The following IGSF10 variants were observed in gnomAD, a reference collection of about 807,000 sequenced individuals.
The protein encoded by IGSF10 is immunoglobulin superfamily member 10, also known as calvaria mechanical force protein 608.
A neutral mutation model predicts 128.2 loss-of-function variants in IGSF10; 126 were observed. The observed-to-expected ratio is 0.98, with a 90% CI of 0.85 to 1.14. The LOEUF is 1.14. Among genes scored for constraint, IGSF10 ranks in the 50% most tolerant of loss-of-function variants. The probability of loss-of-function intolerance (pLI) is 0.00; values close to 1 mark genes in which losing one functional copy is unlikely to be tolerated. For synonymous variants in IGSF10, 1,185 were observed against 1,146.2 expected (o/e 1.03, Z -0.68); for missense variants, 3,295 against 3,149.8 (o/e 1.05, Z -1.10).
chr3:151,556,806 A>T, the IGSF10 span, among the ~76,000 whole-genome samples: 3 of 152,136 alleles, frequency 2.0e-5, no homozygotes, highest in African/African-American at 7.2e-5. Context: ...TCCTGTTTTC[A>T]TAGAAGTCAT....
chr3:151,473,258 C>A, the IGSF10 span, among the ~76,000 whole-genome samples: 2 of 152,150 alleles, frequency 1.3e-5, no homozygotes, highest in African/African-American at 2.4e-5. Context: ...GATTTGTGGG[C>A]TAATGCCAAA....
the IGSF10 span, among the ~76,000 whole-genome samples, chr3:151,592,071 G>A: frequency 6.6e-6 from 1 of 152,094 alleles, no homozygotes; most frequent in South Asian, 2.1e-4. Context: ...GTGGTTAAAA[G>A]CATGAACTCT....
At chr3:151,617,187 C>T in the IGSF10 span, among the ~76,000 whole-genome samples, 1 of 132,316 alleles carries the variant, frequency 7.6e-6, no homozygotes, top group African/African-American at 3.2e-5. Flanking sequence ...CCTCTGCCTC[C>T]TCCTCCTTCT....
Position 151,445,150 on chromosome 3 carries a change from C to T in IGSF10, c.4831G>A (p.Asp1611Asn), listed in dbSNP as rs1317018026. The T allele has an allele frequency of 3.7e-6, 6 of 1,614,118 alleles. No individual in the cohort carries two copies. The highest frequency in any genetic ancestry group is 5.1e-6 in the Non-Finnish European group (6 of 1,180,048). ...CTCTTCTTTGTGTTCTTCTGTCCAT[C>T]CCAATCTGAAACAAGAGTGGTGGCC... ...SEATTLVSDW[D>N]GQKNTKKSDF... Residue 1611 changes from aspartate to asparagine, a missense_variant, in exon 6 of 8, where the codon GAT becomes AAT. Coordinates refer to ENST00000282466, the MANE Select transcript of IGSF10 (RefSeq NM_178822.5).
chr3:151,564,965 C>G, the IGSF10 span, among the ~76,000 whole-genome samples: 3 of 152,100 alleles, frequency 2.0e-5, no homozygotes, highest in Non-Finnish European at 2.9e-5. Context: ...TTGTAACAAG[C>G]CTAGGAAGTA....
In IGSF10 at chr3:151,446,020, T is replaced by C. The variant is rs765210786; in HGVS notation, c.3961A>G (p.Thr1321Ala). Residue 1321 changes from threonine (T) to alanine (A), a missense_variant, in exon 6 of 8, where the codon ACA becomes GCA. Coordinates refer to ENST00000282466, the MANE Select transcript of IGSF10 (RefSeq NM_178822.5). Reference protein sequence around the residue: ...IISTQTAIPATTPTFPASVIT... With the variant: ...IISTQTAIPAATPTFPASVIT... ...ACAGATGCAGGGAAGGTAGGAGTTG[T>C]TGCTGGTATTGCTGTTTGCGTTGAT... 1.2e-6 allele frequency: 2 copies of C among 1,614,156 alleles called. No individual in the cohort carries two copies. Among genetic ancestry groups the C allele is most frequent in the Non-Finnish European group, 1.7e-6 (2 of 1,180,032 alleles).
chr3:151,519,489 T>G, the IGSF10 span, among the ~76,000 whole-genome samples: 2 of 151,832 alleles, frequency 1.3e-5, no homozygotes, highest in South Asian at 4.1e-4. Flanking sequence ...TATATTTTAT[T>G]TAGGTTTAGT....
chr3:151,474,079 C>T, the IGSF10 span, among the ~76,000 whole-genome samples: 1 of 151,872 alleles, frequency 6.6e-6, no homozygotes, highest in African/African-American at 2.4e-5. Flanking sequence ...ATTAGACCTC[C>T]TAGAGTTTCA....
chr3:151,561,633 T>C, the IGSF10 span, among the ~76,000 whole-genome samples: 3 of 152,176 alleles, frequency 2.0e-5, no homozygotes, highest in Non-Finnish European at 2.9e-5. Context: ...GATGCATATG[T>C]ACTGACATGG....
At chr3:151,467,570 G>A in the IGSF10 span, among the ~76,000 whole-genome samples, 1 of 152,160 alleles carries the variant, frequency 6.6e-6, no homozygotes, top group Admixed American at 6.5e-5. Context: ...AGCTCCTCAT[G>A]AGAAGGACCA....
In IGSF10 at chr3:151,447,297, G is replaced by A. The variant is rs1371366219; in HGVS notation, c.2684C>T (p.Pro895Leu). 3.1e-6 allele frequency: 5 copies of A among 1,614,044 alleles called. No homozygotes were observed. The African/African-American group carries it at 6.7e-5, about 22-fold the overall frequency. The change falls in exon 6 of 8, where the codon CCA becomes CTA. Residue 895 changes from proline (P) to leucine (L), a missense_variant. Transcript: ENST00000282466. Reference protein sequence around the residue: ...TTNQHSSTVFPLLLGATEFQD... With the variant: ...TTNQHSSTVFLLLLGATEFQD... ...AAATTCAGTTGCTCCAAGTAGCAGT[G>A]GAAAGACAGTGGATGAATGTTGATT...
chr3:151,483,370 T>C, the IGSF10 span, among the ~76,000 whole-genome samples: 1 of 152,184 alleles, frequency 6.6e-6, no homozygotes, highest in Non-Finnish European at 1.5e-5. Context: ...TTGCAGATTG[T>C]AAGTATAAAA....
chr3:151,606,040 A>G, the IGSF10 span, among the ~76,000 whole-genome samples: 5 of 152,192 alleles, frequency 3.3e-5, no homozygotes, highest in Admixed American at 2.0e-4. Flanking sequence ...TTCTATCTGA[A>G]CCAATTTCAC....
At chr3:151,459,790 C>T (rs749298907) in intron 2 of IGSF10, among the ~76,000 whole-genome samples, 4 of 152,154 alleles carry the variant, frequency 2.6e-5, no homozygotes, top group Admixed American at 2.0e-4. Context: ...AGCAAAATGA[C>T]CTTCATAATT....
chr3:151,508,231 TA>T, the IGSF10 span, among the ~76,000 whole-genome samples: 1 of 151,950 alleles, frequency 6.6e-6, no homozygotes, highest in African/African-American at 2.4e-5. Flanking sequence ...ATTGAAGGGG[TA>T]AAAAATAGAT....
In IGSF10 at chr3:151,457,869, T is replaced by C. The variant is rs551345222; in HGVS notation, c.194+647A>G. 1.4e-4 allele frequency among the ~76,000 whole-genome samples: 21 copies of C among 152,306 alleles called. No homozygotes were observed. In the South Asian group the frequency reaches 4.1e-3, roughly 30 times the overall value. The stretch of plus-strand genomic sequence containing the variant: ...GTACTGACCGTACATTTGTCTGGTC[T>C]TTTTAACGATCAATACACATCCTAG... On this transcript the variant is annotated intron_variant, in intron 3 of 7. Coordinates refer to ENST00000282466, the MANE Select transcript of IGSF10 (RefSeq NM_178822.5).
downstream of IGSF10, chr3:151,433,427 T>A (rs1242969380): frequency 1.3e-5 from 2 of 152,666 alleles, no homozygotes; most frequent in Non-Finnish European, 2.9e-5. Flanking sequence ...AACAGATTGT[T>A]GCTTCGTACT....
the IGSF10 span, among the ~76,000 whole-genome samples, chr3:151,601,968 T>C: frequency 6.6e-6 from 1 of 152,164 alleles, no homozygotes; most frequent in Non-Finnish European, 1.5e-5. Context: ...ATCTGAGATG[T>C]CAAACAGATG....
the IGSF10 span, among the ~76,000 whole-genome samples, chr3:151,557,658 C>CA: frequency 6.6e-6 from 1 of 151,880 alleles, no homozygotes; most frequent in Middle Eastern, 3.2e-3. Context: ...TTAAGGATTC[C>CA]ATTAGTATCT....
Sources: gnomAD v4.1 joint callset for allele counts (sites outside exome capture counted in the v4.1 genomes callset) on GRCh38, gnomAD v4.1.1 for gene constraint, MANE v1.5 for transcripts, NCBI Gene and HGNC (gene_info 2026-07-23, HGNC 2026-07-21) for gene names.